Variants in SMYD4 observed in about 807,000 individuals in gnomAD.
SMYD4 encodes the protein SET and MYND domain containing 4.
Under a neutral mutation model 72.8 loss-of-function variants are expected in SMYD4, and 68 were observed. That is an observed-to-expected ratio of 0.93 (90% CI 0.77 to 1.14). The LOEUF (loss-of-function observed/expected upper bound fraction) is 1.14, where lower values mean the gene tolerates loss of function less well. SMYD4 is among the 50% of genes most tolerant of loss of function. SMYD4 has a pLI of 0.00. For synonymous variants in SMYD4, 407 were observed against 388.6 expected (o/e 1.05, Z -0.56); for missense variants, 984 against 1,003.7 (o/e 0.98, Z 0.27).
At position 1,804,432 on chromosome 17, in the gene SMYD4, C is replaced by G. The variant is rs535656671; in HGVS notation, c.369+194G>C. On this transcript the variant is annotated intron_variant, in intron 4 of 10. Transcript: ENST00000305513. The stretch of plus-strand genomic sequence containing the variant: ...CCTCAGGTGATCCGCCCGCCTTGAC[C>G]TCCCAAAGTGCTGAGATTACAGGCA... 3.5e-4 allele frequency: 167 copies of G among 475,122 alleles called. No individual in the cohort carries two copies. In the East Asian group the frequency reaches 6.4e-3, roughly 18 times the overall value. 29.4% of individuals were successfully genotyped at this position (475,122 alleles called of 1,614,324 possible).
At position 1,780,487 on chromosome 17, in the gene SMYD4, G is replaced by C. The variant is rs895074921; in HGVS notation, c.*799C>G. 1 of 152,054 alleles carries C rather than the reference G, an allele frequency of 6.6e-6. No individual in the cohort carries two copies. Among genetic ancestry groups the C allele is most frequent in the African/African-American group, 2.4e-5 (1 of 41,252 alleles). 9.4% of individuals were successfully genotyped at this position (152,054 alleles called of 1,614,324 possible). Reference sequence around the variant, plus strand: ...CCACCTCAGCGTCTCAAAGTACTGGGATTACAGGTGTGAGCCTCTACACTG... The same window carrying C: ...CCACCTCAGCGTCTCAAAGTACTGGCATTACAGGTGTGAGCCTCTACACTG... On this transcript the variant is annotated 3_prime_UTR_variant, in exon 11 of 11. Transcript: ENST00000305513.
chr17:1,786,715 T>C, intron 7 of SMYD4, 95 bp downstream of exon 7: 1 of 1,497,442 alleles, frequency 6.7e-7, no homozygotes, highest in Non-Finnish European at 9.1e-7. Flanking sequence ...TCTCAGCACT[T>C]ACAAGTCCCT....
chr17:1,818,941 C>T (rs1372704176), intron 2 of SMYD4, among the ~76,000 whole-genome samples: 2 of 151,520 alleles, frequency 1.3e-5, no homozygotes, highest in Non-Finnish European at 2.9e-5. Flanking sequence ...AGCCACTGCA[C>T]CTGGCCAATT....
At chr17:1,823,976 T>C (rs1911029495) in intron 2 of SMYD4, among the ~76,000 whole-genome samples, 1 of 152,134 alleles carries the variant, frequency 6.6e-6, no homozygotes, top group Admixed American at 6.6e-5. Flanking sequence ...GATAGCCTAG[T>C]TTCATAGCTA....
At position 1,800,012 on chromosome 17, in the gene SMYD4, G is replaced by A. The variant is rs1158798589; in HGVS notation, c.1382C>T (p.Ala461Val). 1.9e-6 allele frequency: 3 copies of A among 1,614,014 alleles called. No individual in the cohort carries two copies. The highest frequency in any genetic ancestry group is 1.3e-5 in the African/African-American group (1 of 74,904). Residue 461 changes from alanine to valine, a missense_variant, in exon 5 of 11, where the codon GCC becomes GTC. Transcript: ENST00000305513. Reference protein sequence around the residue: ...CRQLEAASLQAIPTERIVNSS... With the variant: ...CRQLEAASLQVIPTERIVNSS... ...GTTCACAATCCTCTCAGTTGGGATG[G>A]CCTGTAAACTGGCTGCTTCTAGCTG...
intron 7 of SMYD4, 116 bp from the exon 8 acceptor site, chr17:1,784,577 G>T: frequency 4.6e-6 from 7 of 1,506,382 alleles, no homozygotes; most frequent in Non-Finnish European, 6.2e-6. Flanking sequence ...AGAGACTCCT[G>T]TAACAATACA....
intron 8 of SMYD4, 115 bp from the exon 9 acceptor site, chr17:1,783,591 C>T (rs186726739): frequency 6.8e-7 from 1 of 1,479,344 alleles, no homozygotes; most frequent in East Asian, 2.5e-5. Flanking sequence ...TTCCCCCTGG[C>T]CTCCCTGGGT....
In SMYD4 at chr17:1,781,119, C is replaced by T. The variant is rs1050607306; in HGVS notation, c.*167G>A. The T allele has an allele frequency of 2.1e-5, 16 of 755,026 alleles. No homozygotes were observed. The highest frequency in any genetic ancestry group is 3.0e-5 in the Non-Finnish European group (15 of 499,994). The allele number at this position is 755,026 out of a possible 1,614,324, so 46.8% of individuals were successfully genotyped here. On this transcript the variant is annotated 3_prime_UTR_variant, in exon 11 of 11. Coordinates refer to ENST00000305513, the MANE Select transcript of SMYD4 (RefSeq NM_052928.3). Reference sequence around the variant, plus strand: ...TATTTTTAGTAAAGATGGGGTTTCACCATGTTGGCCAGGCTGGTCTTGAAC... The same window carrying T: ...TATTTTTAGTAAAGATGGGGTTTCATCATGTTGGCCAGGCTGGTCTTGAAC...
At chr17:1,787,364 C>A in intron 6 of SMYD4, 58 bp downstream of exon 6, 1 of 1,544,090 alleles carries the variant, frequency 6.5e-7, no homozygotes, top group Non-Finnish European at 8.8e-7. Flanking sequence ...TGCTGACTTG[C>A]GTCCCCGTCC....
Position 1,784,377 on chromosome 17 carries a change from G to A in SMYD4, c.1969C>T (p.Leu657=). 6.2e-7 allele frequency: 1 copy of A among 1,614,220 alleles called. No individual in the cohort carries two copies. Among genetic ancestry groups the A allele is most frequent in the Non-Finnish European group, 8.5e-7 (1 of 1,180,042 alleles). ...TGGGCCACTCTGACCTGCTGCTGTA[G>A]GTCCTGTAACCGAGAGACCAGGTGG... is the stretch of plus-strand genomic sequence containing the variant. ...RDHLVSRLQD[L]QQQVRVAQKL... is the part of the protein sequence containing the mutation. The change falls in exon 8 of 11, where the codon CTA becomes TTA. Residue 657 remains leucine, a synonymous_variant. Coordinates refer to ENST00000305513, the MANE Select transcript of SMYD4 (RefSeq NM_052928.3).
chr17:1,797,450 C>T (rs562051567), intron 5 of SMYD4, among the ~76,000 whole-genome samples: 10 of 152,280 alleles, frequency 6.6e-5, no homozygotes, highest in South Asian at 2.1e-4. Flanking sequence ...TCATGATTCT[C>T]GGCACATCCA....
intron 6 of SMYD4, 35 bp downstream of exon 6, chr17:1,787,387 G>C (rs1231090954): frequency 6.5e-7 from 1 of 1,549,550 alleles, no homozygotes; most frequent in East Asian, 2.4e-5. Flanking sequence ...TTCTGTTGGA[G>C]AAGGGCAGGA....
At chr17:1,796,720 C>A (rs1338011503) in intron 5 of SMYD4, among the ~76,000 whole-genome samples, 1 of 152,102 alleles carries the variant, frequency 6.6e-6, no homozygotes, top group Non-Finnish European at 1.5e-5. Flanking sequence ...TAGGTATGAG[C>A]CACCGCGCCC....
chr17:1,802,964 C>T (rs1315246895), intron 4 of SMYD4, among the ~76,000 whole-genome samples: 2 of 152,132 alleles, frequency 1.3e-5, no homozygotes, highest in African/African-American at 4.8e-5. Context: ...CCAGCCTGAC[C>T]AACATGGTGA....
intron 7 of SMYD4, among the ~76,000 whole-genome samples, chr17:1,784,821 G>C (rs1006437572): frequency 1.3e-5 from 2 of 151,960 alleles, no homozygotes; most frequent in African/African-American, 4.8e-5. Flanking sequence ...CCAGGCTGGA[G>C]TGCAGTGGTG....
At chr17:1,784,180 A>T in intron 8 of SMYD4, 146 bp downstream of exon 8, 2 of 1,281,680 alleles carry the variant, frequency 1.6e-6, no homozygotes, top group Non-Finnish European at 2.2e-6. Context: ...GTTTGGACTC[A>T]CTGGCCTATA....
intron 2 of SMYD4, among the ~76,000 whole-genome samples, chr17:1,826,083 G>A (rs1394375837): frequency 1.3e-5 from 2 of 151,976 alleles, no homozygotes; most frequent in African/African-American, 4.8e-5. Flanking sequence ...AACTTACATA[G>A]CAAAGAACTA....
intron 5 of SMYD4, among the ~76,000 whole-genome samples, chr17:1,794,037 G>GTGTGTATATATATA (rs1909221636): frequency 2.0e-4 from 10 of 49,332 alleles, no homozygotes; most frequent in African/African-American, 6.7e-4. Flanking sequence ...ATATATATAT[G>GTGTGTATATATATA]TATGTATATA....
rs949841199 is a variant in SMYD4, at chr17:1,829,839, G to GCGCCCTGCTC, written c.-127_-126insGAGCAGGGCG. On this transcript the variant is annotated 5_prime_UTR_variant, in exon 1 of 11. An upstream open reading frame in the 5' UTR gains an earlier in-frame stop. Transcript: ENST00000305513. ...CGCGCAGCTCCTGGCGCGCCCCTTGGCGCCCCGCTCCGCCCCGCACCGCGT... is the reference window on the plus strand; with the variant it reads ...CGCGCAGCTCCTGGCGCGCCCCTTGGCGCCCTGCTCCGCCCCGCTCCGCCCCGCACCGCGT... 78 of 296,642 alleles carry GCGCCCTGCTC rather than the reference G, an allele frequency of 2.6e-4. No individual in the cohort carries two copies. The highest frequency in any genetic ancestry group is 4.3e-4 in the Non-Finnish European group (71 of 164,374). The allele number at this position is 296,642 out of a possible 1,614,324, so 18.4% of individuals were successfully genotyped here.
Sources: allele counts gnomAD v4.1 joint callset (sites outside exome capture counted in the v4.1 genomes callset), GRCh38; gene constraint gnomAD v4.1.1; transcripts MANE v1.5; gene names NCBI Gene and HGNC (gene_info 2026-07-23, HGNC 2026-07-21).